Variants in KHDRBS2 observed in about 807,000 individuals in gnomAD.
The protein encoded by KHDRBS2 is KH domain-containing, RNA-binding, signal transduction-associated protein 2.
In KHDRBS2, 26 loss-of-function variants were observed where a neutral mutation model predicts 44.3. The observed-to-expected ratio is 0.59, with a 90% CI of 0.43 to 0.81. The LOEUF (loss-of-function observed/expected upper bound fraction) is 0.81, where lower values mean the gene tolerates loss of function less well. KHDRBS2 is among the 40% of genes least tolerant of loss of function. KHDRBS2 has a pLI of 0.00. For missense variants in KHDRBS2, 476 were observed against 433.1 expected, an observed-to-expected ratio of 1.10 and a Z score of -0.88; for synonymous variants, 194 against 151.1, an observed-to-expected ratio of 1.28 and a Z score of -2.08.
chr6:61,697,281 GT>G, intron 7 of KHDRBS2, 28 bp from the exon 8 acceptor site: 1 of 1,437,150 alleles, frequency 7.0e-7, no homozygotes, highest in Non-Finnish European at 9.8e-7. Context: ...AGCAATCAAT[GT>G]TACTATAACC....
At chr6:61,565,091 G>A in the KHDRBS2 span, among the ~76,000 whole-genome samples, 47,777 of 151,912 alleles carry the variant, frequency 0.31, 9,064 homozygotes, top group East Asian at 0.49. Context: ...TCAACAAATG[G>A]TGCTAGGAAA....
rs1394863083 is a variant in KHDRBS2 at position 62,169,209 on chromosome 6, A to ACG, written c.219+7975_219+7976insCG. 1.6e-3 allele frequency among the ~76,000 whole-genome samples: 228 copies of ACG among 145,150 alleles called. 1 individual carries two copies. Among genetic ancestry groups the ACG allele is most frequent in the African/African-American group, 5.6e-3 (218 of 39,264 alleles). On this transcript the variant is annotated intron_variant, in intron 2 of 8. Coordinates refer to ENST00000281156, the MANE Select transcript of KHDRBS2 (RefSeq NM_152688.4). ...TATACGTATACATATATGTATATAT[A>ACG]TGTATATATACACACACACATATAT...
At chr6:61,777,024 A>G (rs1782157382) in intron 6 of KHDRBS2, among the ~76,000 whole-genome samples, 1 of 152,166 alleles carries the variant, frequency 6.6e-6, no homozygotes, top group Non-Finnish European at 1.5e-5. Flanking sequence ...CATTCTCAGC[A>G]AACTATCACA....
intron 2 of KHDRBS2, among the ~76,000 whole-genome samples, chr6:62,164,286 G>A (rs533926939): frequency 8.3e-4 from 126 of 151,938 alleles, no homozygotes; most frequent in South Asian, 2.5e-3. Context: ...TAGAATTTTT[G>A]TGACAATCAA....
chr6:61,993,368 G>A (rs1405454442), intron 3 of KHDRBS2, among the ~76,000 whole-genome samples: 1 of 151,816 alleles, frequency 6.6e-6, no homozygotes, highest in Non-Finnish European at 1.5e-5. Flanking sequence ...AGGGCAGCAA[G>A]CATATTGAGA....
chr6:61,991,399 T>A (rs147966973), intron 3 of KHDRBS2, among the ~76,000 whole-genome samples: 70 of 152,240 alleles, frequency 4.6e-4, no homozygotes, highest in Middle Eastern at 3.4e-3. Context: ...AGAAGAGGAA[T>A]CCTCATGAAG....
At chr6:62,186,879 T>C (rs575891505) in intron 1 of KHDRBS2, among the ~76,000 whole-genome samples, 32 of 152,226 alleles carry the variant, frequency 2.1e-4, no homozygotes, top group African/African-American at 7.5e-4. Flanking sequence ...TATATCTACA[T>C]GTAGTCGTCC....
intron 3 of KHDRBS2, among the ~76,000 whole-genome samples, chr6:62,038,423 C>A (rs1285732619): frequency 8.6e-5 from 13 of 151,352 alleles, no homozygotes; most frequent in Non-Finnish European, 1.9e-4. Flanking sequence ...TGTGAAGAGC[C>A]CAAATAAATT....
chr6:61,700,500 A>G (rs1768480977), intron 7 of KHDRBS2, among the ~76,000 whole-genome samples: 1 of 151,188 alleles, frequency 6.6e-6, no homozygotes, highest in Non-Finnish European at 1.5e-5. Flanking sequence ...GCCACAGTCT[A>G]TACCTTAGAT....
At chr6:61,758,137 T>G (rs1375793712) in intron 6 of KHDRBS2, among the ~76,000 whole-genome samples, 1 of 152,120 alleles carries the variant, frequency 6.6e-6, no homozygotes, top group Admixed American at 6.6e-5. Context: ...GGGTTCCTCC[T>G]CACTATGTCA....
chr6:61,842,826 A>C (rs966553318), intron 6 of KHDRBS2, among the ~76,000 whole-genome samples: 2 of 152,066 alleles, frequency 1.3e-5, no homozygotes, highest in Non-Finnish European at 2.9e-5. Flanking sequence ...CCAAATGTCC[A>C]TTAACTGATG....
At chr6:62,132,021 ATC>A (rs1810448096) in intron 2 of KHDRBS2, among the ~76,000 whole-genome samples, 6 of 152,184 alleles carry the variant, frequency 3.9e-5, no homozygotes, top group Admixed American at 3.9e-4. Flanking sequence ...GATGAACTAC[ATC>A]TCTATAAACT....
At chr6:62,125,222 G>A (rs994136077) in intron 2 of KHDRBS2, among the ~76,000 whole-genome samples, 6 of 152,190 alleles carry the variant, frequency 3.9e-5, no homozygotes, top group Admixed American at 2.6e-4. Context: ...GAGAGGAAGA[G>A]GGCAGTGATT....
At chr6:62,111,529 T>A (rs2127383272) in intron 2 of KHDRBS2, among the ~76,000 whole-genome samples, 1 of 152,244 alleles carries the variant, frequency 6.6e-6, no homozygotes, top group East Asian at 1.9e-4. Flanking sequence ...CCAATTTTTC[T>A]TTGGTAAGTT....
intron 6 of KHDRBS2, among the ~76,000 whole-genome samples, chr6:61,872,312 C>T (rs1798772909): frequency 6.6e-6 from 1 of 151,980 alleles, no homozygotes; most frequent in Admixed American, 6.6e-5. Flanking sequence ...AAGTATAGTG[C>T]ATGTGAATCC....
chr6:62,228,136 G>A (rs558875626), intron 1 of KHDRBS2, among the ~76,000 whole-genome samples: 3 of 152,298 alleles, frequency 2.0e-5, no homozygotes, highest in Admixed American at 6.5e-5. Context: ...GAATTCAGCT[G>A]TGTATCCCTC....
chr6:62,279,011 C>A (rs536093106), intron 1 of KHDRBS2, among the ~76,000 whole-genome samples: 98 of 152,092 alleles, frequency 6.4e-4, no homozygotes, highest in African/African-American at 2.3e-3. Context: ...GGAGAATGGC[C>A]TGAACCCGGG....
At chr6:61,869,469 T>C (rs1212576775) in intron 6 of KHDRBS2, among the ~76,000 whole-genome samples, 2 of 152,046 alleles carry the variant, frequency 1.3e-5, no homozygotes, top group Non-Finnish European at 2.9e-5. Context: ...ACTGACAAAA[T>C]GAACTTCTAA....
chr6:62,272,107 T>C (rs542367797), intron 1 of KHDRBS2, among the ~76,000 whole-genome samples: 2 of 152,294 alleles, frequency 1.3e-5, no homozygotes, highest in East Asian at 3.9e-4. Flanking sequence ...ACTTTTTCTA[T>C]GTTTAGGTAT....
Sources: allele counts gnomAD v4.1 joint callset (sites outside exome capture counted in the v4.1 genomes callset), GRCh38; gene constraint gnomAD v4.1.1; transcripts MANE v1.5; gene names NCBI Gene and HGNC (gene_info 2026-07-23, HGNC 2026-07-21).